ZFHX3: variants seen among roughly 807,000 people sequenced by gnomAD.
ZFHX3 encodes zinc finger homeobox 3.
A neutral mutation model predicts 279.1 loss-of-function variants in ZFHX3; 42 were observed. The observed-to-expected ratio is 0.15, with a 90% CI of 0.12 to 0.19. The LOEUF (loss-of-function observed/expected upper bound fraction) is 0.19. Ranked by LOEUF, ZFHX3 falls within the 10% of genes least tolerant of loss-of-function variation. ZFHX3 has a pLI of 1.00. For synonymous variants in ZFHX3, 2,293 were observed against 1,957.8 expected, an observed-to-expected ratio of 1.17 and a Z score of -4.52; for missense variants, 4,981 against 4,754.0, an observed-to-expected ratio of 1.05 and a Z score of -1.40.
At chr16:73,458,075 G>A (rs2018405011) in intron 2 of ZFHX3, among the ~76,000 whole-genome samples, 1 of 152,170 alleles carries the variant, frequency 6.6e-6, no homozygotes, top group African/African-American at 2.4e-5. Flanking sequence ...TTCTTGAAAT[G>A]ACTTGGTTTT....
intron 3 of ZFHX3, among the ~76,000 whole-genome samples, chr16:73,351,752 G>C (rs1397943169): frequency 1.3e-5 from 2 of 151,226 alleles, no homozygotes; most frequent in African/African-American, 2.4e-5. Flanking sequence ...TTGGCAGCAC[G>C]GTTTCCATTA....
chr16:73,212,490 G>T (rs537916201), intron 5 of ZFHX3, among the ~76,000 whole-genome samples: 1 of 152,212 alleles, frequency 6.6e-6, no homozygotes, highest in African/African-American at 2.4e-5. Context: ...TATTTATTCT[G>T]CTATCATAAA....
At chr16:73,872,181 T>C (rs2029863470) in intron 1 of ZFHX3, among the ~76,000 whole-genome samples, 1 of 152,014 alleles carries the variant, frequency 6.6e-6, no homozygotes, top group African/African-American at 2.4e-5. Flanking sequence ...TTCTGAATGC[T>C]GCTTATTCTC....
chr16:72,882,215 T>C (rs1440625477), intron 4 of ZFHX3, among the ~76,000 whole-genome samples: 1 of 147,064 alleles, frequency 6.8e-6, no homozygotes, highest in Non-Finnish European at 1.5e-5. Flanking sequence ...AAACCCTCTC[T>C]GCAGTGAGTG....
chr16:73,885,194 G>T (rs2030305585), intron 1 of ZFHX3, among the ~76,000 whole-genome samples: 1 of 151,960 alleles, frequency 6.6e-6, no homozygotes, highest in African/African-American at 2.4e-5. Flanking sequence ...AGACAAAGAT[G>T]GGAAAAAAAC....
intron 5 of ZFHX3, among the ~76,000 whole-genome samples, chr16:73,251,018 C>G (rs1321527493): frequency 6.6e-6 from 1 of 152,062 alleles, no homozygotes; most frequent in African/African-American, 2.4e-5. Flanking sequence ...TTTGGGTGAC[C>G]AGCGATCTCT....
chr16:73,223,654 C>T (rs1474262462), intron 5 of ZFHX3, among the ~76,000 whole-genome samples: 2 of 152,138 alleles, frequency 1.3e-5, no homozygotes, highest in African/African-American at 4.8e-5. Flanking sequence ...CCATTTCTTA[C>T]AAAATTAAAC....
At position 73,416,640 on chromosome 16, in the gene ZFHX3, G is replaced by A. The variant is rs1227533173; in HGVS notation, c.-1291+39363C>T. 4.6e-5 allele frequency among the ~76,000 whole-genome samples: 7 copies of A among 152,278 alleles called. No individual in the cohort carries two copies. In the East Asian group the frequency reaches 7.7e-4, roughly 17 times the overall value. On this transcript the variant is annotated intron_variant, in intron 3 of 17. Coordinates refer to the ZFHX3 transcript ENST00000641206. ...TGTAATCCCAGCACTTTGGGAGGCC[G>A]AGGCGGGTGGACCACGAGGTCAGGA...
At chr16:73,033,504 T>C (rs1045172496) in intron 1 of ZFHX3, among the ~76,000 whole-genome samples, 1 of 151,922 alleles carries the variant, frequency 6.6e-6, no homozygotes, top group Non-Finnish European at 1.5e-5. Context: ...CAGTTTCAAC[T>C]TGACTGGGGG....
Position 73,885,263 on chromosome 16 carries a change from AT to A in ZFHX3, c.-1608+6387del, listed in dbSNP as rs576955031. On this transcript the variant is annotated intron_variant, in intron 1 of 17. Coordinates refer to the ZFHX3 transcript ENST00000641206. ...GGGGTATTAAAAACTGATCAATGTA[AT>A]TTTTTTCTCAGAAGTATTTGCACAT... Among the ~76,000 whole-genome samples the A allele has an allele frequency of 3.6e-4, 55 of 152,160 alleles. 1 individual carries two copies. In the East Asian group the frequency reaches 0.01, roughly 28 times the overall value.
chr16:73,607,162 G>A (rs868303845), intron 2 of ZFHX3, among the ~76,000 whole-genome samples: 21 of 152,224 alleles, frequency 1.4e-4, no homozygotes, highest in East Asian at 3.9e-4. Context: ...CTGAGTAGCC[G>A]GGATCACAGG....
chr16:73,314,679 C>T (rs1199772327), intron 4 of ZFHX3, among the ~76,000 whole-genome samples: 1 of 152,172 alleles, frequency 6.6e-6, no homozygotes, highest in East Asian at 1.9e-4. Flanking sequence ...AGAATGACAT[C>T]CCTGAGCTGC....
chr16:73,437,708 G>C (rs1283010135), intron 3 of ZFHX3, among the ~76,000 whole-genome samples: 2 of 151,830 alleles, frequency 1.3e-5, no homozygotes, highest in Non-Finnish European at 2.9e-5. Flanking sequence ...ATTATTATTG[G>C]TATTTTCACC....
chr16:73,535,965 G>A (rs950459103), intron 2 of ZFHX3, among the ~76,000 whole-genome samples: 6 of 151,976 alleles, frequency 3.9e-5, no homozygotes, highest in African/African-American at 9.6e-5. Context: ...CTCAGGATCC[G>A]CCCGCCTCAG....
At position 72,794,243 on chromosome 16, in the gene ZFHX3, A is replaced by G; in HGVS notation, c.8439T>C (p.Phe2813=). The change falls in exon 9 of 10, where the codon TTT becomes TTC. Residue 2813 remains phenylalanine, a synonymous_variant. Transcript: ENST00000268489. The surrounding 1 kb of genome is among the most constrained non-coding windows in gnomAD (Gnocchi z 4.2). ...TAACTGAGGACATGGAGGGGCTTTC[A>G]AAGTCTTCAATCCCTTCCACCTTAA... ...SSIKVEGIED[F]ESPSMSSVNL... The G allele has an allele frequency of 6.2e-7, 1 of 1,614,164 alleles. No individual in the cohort carries two copies. The highest frequency in any genetic ancestry group is 8.5e-7 in the Non-Finnish European group (1 of 1,180,024).
At chr16:73,207,325 G>C (rs764438837) in intron 5 of ZFHX3, among the ~76,000 whole-genome samples, 2 of 152,250 alleles carry the variant, frequency 1.3e-5, no homozygotes, top group Admixed American at 1.3e-4. Flanking sequence ...TGAAGTAAAC[G>C]TTGTTCACTT....
Position 73,417,704 on chromosome 16 carries a change from C to T in ZFHX3, c.-1291+38299G>A, listed in dbSNP as rs528995174. Among the ~76,000 whole-genome samples, 6 of 151,738 alleles carry T rather than the reference C, an allele frequency of 4.0e-5. No homozygotes were observed. The South Asian group carries it at 6.2e-4, about 16-fold the overall frequency. On this transcript the variant is annotated intron_variant, in intron 3 of 17. Transcript: ENST00000641206. ...AAAAGAGGCTGGGTGCGGTGGCTCA[C>T]GCCTGTAATCCCAGTACTAGTACTT...
At chr16:72,885,437 G>A (rs916225365) in intron 4 of ZFHX3, among the ~76,000 whole-genome samples, 3 of 152,212 alleles carry the variant, frequency 2.0e-5, no homozygotes, top group Admixed American at 6.5e-5. Flanking sequence ...CTTCTACCTC[G>A]ACTCCTTCCT....
At chr16:73,065,289 G>T (rs1004478187) in intron 8 of ZFHX3, among the ~76,000 whole-genome samples, 6 of 152,182 alleles carry the variant, frequency 3.9e-5, no homozygotes, top group Admixed American at 3.9e-4. Flanking sequence ...GGGATGCGCG[G>T]CTGAACAATC....
Sources: allele counts gnomAD v4.1 joint callset (sites outside exome capture counted in the v4.1 genomes callset), GRCh38; gene constraint gnomAD v4.1.1; non-coding constraint Gnocchi (gnomAD v3.1); transcripts MANE v1.5; gene names NCBI Gene and HGNC (gene_info 2026-07-23, HGNC 2026-07-21).